RAB38: variants seen among roughly 807,000 people sequenced by gnomAD.
The protein encoded by RAB38 is ras-related protein Rab-38.
A neutral mutation model predicts 18.4 loss-of-function variants in RAB38; 15 were observed. That is an observed-to-expected ratio of 0.82 (90% CI 0.55 to 1.26). The LOEUF (loss-of-function observed/expected upper bound fraction) is 1.26, where lower values mean the gene tolerates loss of function less well. RAB38 is among the 50% of genes most tolerant of loss of function. The pLI is 0.00. For synonymous variants in RAB38, 101 were observed against 104.4 expected (o/e 0.97, Z 0.20); for missense variants, 294 against 267.4 (o/e 1.10, Z -0.69).
the RAB38 span, among the ~76,000 whole-genome samples, chr11:88,023,384 T>A: frequency 7.3e-5 from 11 of 151,210 alleles, no homozygotes; most frequent in Admixed American, 5.9e-4. Flanking sequence ...TACAAAACAC[T>A]GATAAAAATC....
chr11:88,081,124 C>G, the RAB38 span, among the ~76,000 whole-genome samples: 2 of 151,598 alleles, frequency 1.3e-5, no homozygotes, highest in Non-Finnish European at 3.0e-5. Flanking sequence ...AAATAAAAGA[C>G]ACAAAATTTA....
At chr11:88,041,384 G>C in the RAB38 span, among the ~76,000 whole-genome samples, 1 of 152,040 alleles carries the variant, frequency 6.6e-6, no homozygotes. Flanking sequence ...TTGCCTCCTT[G>C]CATCTGTTTT....
the RAB38 span, among the ~76,000 whole-genome samples, chr11:87,878,284 A>G: frequency 2.1e-5 from 3 of 140,670 alleles, no homozygotes; most frequent in Admixed American, 2.2e-4. Context: ...CTATCTATCT[A>G]TCTATCTATC....
chr11:88,171,580 T>C (rs961201811), intron 1 of RAB38, among the ~76,000 whole-genome samples: 1 of 152,234 alleles, frequency 6.6e-6, no homozygotes, highest in African/African-American at 2.4e-5. Flanking sequence ...ACAGATTCAA[T>C]GGTCAATTTT....
the RAB38 span, among the ~76,000 whole-genome samples, chr11:88,102,839 C>T: frequency 6.6e-6 from 1 of 152,026 alleles, no homozygotes; most frequent in South Asian, 2.1e-4. Flanking sequence ...CAAGCATTTA[C>T]AGCAGTTTCT....
At chr11:87,879,508 AAG>A in the RAB38 span, 3 of 151,674 alleles carry the variant, frequency 2.0e-5, no homozygotes, top group Non-Finnish European at 4.4e-5. Flanking sequence ...GCTTTACTCT[AAG>A]AGCTTATGCA....
chr11:88,153,197 G>T (rs1448754937), intron 1 of RAB38, among the ~76,000 whole-genome samples: 1 of 152,162 alleles, frequency 6.6e-6, no homozygotes, highest in African/African-American at 2.4e-5. Context: ...CTGAGACTCA[G>T]TTTTCTTATC....
chr11:87,975,453 T>C, the RAB38 span, among the ~76,000 whole-genome samples: 1 of 151,890 alleles, frequency 6.6e-6, no homozygotes, highest in Admixed American at 6.6e-5. Context: ...ACTCTTCAGA[T>C]AGAATGAAAA....
At chr11:87,977,968 A>G in the RAB38 span, among the ~76,000 whole-genome samples, 1 of 112,902 alleles carries the variant, frequency 8.9e-6, no homozygotes, top group Non-Finnish European at 1.7e-5. Context: ...TAAATAAGAT[A>G]TATTATATAA....
At chr11:88,126,675 A>G (rs2134787929) in intron 2 of RAB38, among the ~76,000 whole-genome samples, 1 of 146,436 alleles carries the variant, frequency 6.8e-6, no homozygotes, top group East Asian at 2.0e-4. Context: ...CATTGTGCAC[A>G]TGTACCCTAA....
the RAB38 span, among the ~76,000 whole-genome samples, chr11:88,047,875 A>G: frequency 6.6e-6 from 1 of 151,928 alleles, no homozygotes; most frequent in African/African-American, 2.4e-5. Flanking sequence ...ATCTCTTCCC[A>G]CACAAGGCAA....
the RAB38 span, among the ~76,000 whole-genome samples, chr11:87,938,817 TG>T: frequency 6.6e-6 from 1 of 151,924 alleles, no homozygotes; most frequent in South Asian, 2.1e-4. Context: ...TGTAGCTCCT[TG>T]GGTCCTGAGG....
chr11:88,054,261 G>A, the RAB38 span, among the ~76,000 whole-genome samples: 3 of 152,036 alleles, frequency 2.0e-5, no homozygotes, highest in African/African-American at 7.2e-5. Flanking sequence ...TTTTTTTGAG[G>A]CTTGAAGAAC....
the RAB38 span, among the ~76,000 whole-genome samples, chr11:87,915,414 C>G: frequency 6.6e-6 from 1 of 152,118 alleles, no homozygotes; most frequent in Non-Finnish European, 1.5e-5. Context: ...AAACTGACCT[C>G]TGGTCATTCT....
intron 2 of RAB38, among the ~76,000 whole-genome samples, chr11:88,141,416 GAATT>G (rs1390894191): frequency 2.0e-5 from 3 of 152,110 alleles, no homozygotes; most frequent in Non-Finnish European, 4.4e-5. Flanking sequence ...TCCCAGCTAA[GAATT>G]ATTTGGCCCC....
chr11:88,099,592 C>T, the RAB38 span, among the ~76,000 whole-genome samples: 1 of 151,776 alleles, frequency 6.6e-6, no homozygotes, highest in African/African-American at 2.4e-5. Context: ...AACATGGGGG[C>T]ACTTGTGGTC....
the RAB38 span, among the ~76,000 whole-genome samples, chr11:87,826,067 T>C: frequency 5.9e-5 from 9 of 152,060 alleles, no homozygotes; most frequent in East Asian, 1.9e-4. Flanking sequence ...CTATCCTCCA[T>C]AGTAGAAAGA....
At chr11:88,134,245 T>C (rs1275086209) in intron 2 of RAB38, among the ~76,000 whole-genome samples, 1 of 152,172 alleles carries the variant, frequency 6.6e-6, no homozygotes, top group Non-Finnish European at 1.5e-5. Context: ...CTATTTATTT[T>C]ATTTTATTTT....
At chr11:88,077,178 G>T in the RAB38 span, among the ~76,000 whole-genome samples, 1 of 151,784 alleles carries the variant, frequency 6.6e-6, no homozygotes, top group East Asian at 1.9e-4. Flanking sequence ...CATATTCATG[G>T]ATTAGAAGAA....
Sources: gnomAD v4.1 joint callset for allele counts (sites outside exome capture counted in the v4.1 genomes callset) on GRCh38, gnomAD v4.1.1 for gene constraint, MANE v1.5 for transcripts, NCBI Gene and HGNC (gene_info 2026-07-23, HGNC 2026-07-21) for gene names.